UCK2: variants seen among roughly 807,000 people sequenced by gnomAD.
UCK2 encodes the protein uridine-cytidine kinase 2.
Under a neutral mutation model 30.8 loss-of-function variants are expected in UCK2, and 6 were observed. That is an observed-to-expected ratio of 0.19 (90% confidence interval 0.11 to 0.38). The LOEUF (loss-of-function observed/expected upper bound fraction) is 0.38, where lower values mean the gene tolerates loss of function less well. Ranked by LOEUF, UCK2 falls within the 10% of genes least tolerant of loss-of-function variation. The probability of loss-of-function intolerance (pLI) is 1.00; values close to 1 mark genes in which losing one functional copy is unlikely to be tolerated. For synonymous variants in UCK2, 125 were observed against 133.6 expected (o/e 0.94, Z 0.45); for missense variants, 210 against 339.8 (o/e 0.62, Z 3.00).
intron 1 of UCK2, among the ~76,000 whole-genome samples, chr1:165,828,939 G>C (rs1367160350): frequency 6.6e-6 from 1 of 152,164 alleles, no homozygotes; most frequent in African/African-American, 2.4e-5. Context: ...CTGGGTGCTG[G>C]GTGCTGGTTT....
At chr1:165,904,286 A>G (rs1484463106) in intron 5 of UCK2, 1 of 152,234 alleles carries the variant, frequency 6.6e-6, no homozygotes, top group Non-Finnish European at 1.5e-5. Context: ...CTTTTACAGC[A>G]ACCCATACTT....
chr1:165,899,543 G>T (rs1647385121), intron 4 of UCK2, among the ~76,000 whole-genome samples: 1 of 152,108 alleles, frequency 6.6e-6, no homozygotes, highest in Non-Finnish European at 1.5e-5. Context: ...TTCTTTCTTG[G>T]CTTTTGGCTA....
intron 1 of UCK2, among the ~76,000 whole-genome samples, chr1:165,852,652 T>A (rs1030263986): frequency 6.6e-6 from 1 of 152,226 alleles, no homozygotes; most frequent in African/African-American, 2.4e-5. Context: ...TTTAAAAGGC[T>A]TCCAGAGCAG....
rs757626919 is a variant in UCK2 at position 165,905,982 on chromosome 1, A to G, written c.646+13A>G. ...GCAGATAATCTGGGTGAGTCCCTGCAGAGTGTCATCCTGGAGTATAATGTC... is the reference window on the plus strand; with the variant it reads ...GCAGATAATCTGGGTGAGTCCCTGCGGAGTGTCATCCTGGAGTATAATGTC... On this transcript the variant is annotated intron_variant, in intron 6 of 6. Transcript: ENST00000367879. 65 of 1,612,436 alleles carry G rather than the reference A, an allele frequency of 4.0e-5. No individual in the cohort carries two copies. In the South Asian group the frequency reaches 6.9e-4, roughly 17 times the overall value.
rs113167843 is a variant in UCK2 at position 165,831,749 on chromosome 1, G to A, written c.99+3817G>A. On this transcript the variant is annotated intron_variant, in intron 1 of 6. Transcript: ENST00000367879. ...CCCCTTGGCCCCTAATATGGTCCCA[G>A]GCTATTATTTTTATTTTTTATTTTA... is the stretch of plus-strand genomic sequence containing the variant. Among the ~76,000 whole-genome samples, 177 of 152,210 alleles carry A rather than the reference G, an allele frequency of 1.2e-3. 1 individual carries two copies. The highest frequency in any genetic ancestry group is 4.2e-3 in the African/African-American group (176 of 41,536).
chr1:165,889,665 A>AAGGCGGAC (rs1453935423), intron 1 of UCK2, among the ~76,000 whole-genome samples: 2 of 150,584 alleles, frequency 1.3e-5, no homozygotes, highest in Non-Finnish European at 2.9e-5. Context: ...ACAGGCGTGT[A>AAGGCGGAC]AGGCGGACTC....
At chr1:165,863,625 A>G (rs1265396192) in intron 1 of UCK2, among the ~76,000 whole-genome samples, 1 of 152,194 alleles carries the variant, frequency 6.6e-6, no homozygotes, top group Non-Finnish European at 1.5e-5. Flanking sequence ...ATTCTTTTCA[A>G]ACCAAGGGCT....
intron 1 of UCK2, among the ~76,000 whole-genome samples, chr1:165,852,526 C>T (rs1402823176): frequency 2.0e-5 from 3 of 152,152 alleles, no homozygotes; most frequent in African/African-American, 4.8e-5. Flanking sequence ...TACCACCACA[C>T]GCCAGTCAGA....
intron 1 of UCK2, among the ~76,000 whole-genome samples, chr1:165,830,093 C>A (rs1201968255): frequency 6.6e-6 from 1 of 152,022 alleles, no homozygotes; most frequent in Non-Finnish European, 1.5e-5. Flanking sequence ...GTACCCTCCA[C>A]CTGTTGGGCT....
chr1:165,876,091 C>T (rs1176672215), intron 1 of UCK2, among the ~76,000 whole-genome samples: 3 of 152,212 alleles, frequency 2.0e-5, no homozygotes, highest in Non-Finnish European at 4.4e-5. Context: ...TAAATCATAA[C>T]ACCACAAGGA....
chr1:165,841,548 C>T lies in UCK2; in HGVS notation c.99+13616C>T, dbSNP rs185155236. Among the ~76,000 whole-genome samples, 13 of 152,254 alleles carry T rather than the reference C, an allele frequency of 8.5e-5. No homozygotes were observed. In the East Asian group the frequency reaches 2.5e-3, roughly 29 times the overall value. On this transcript the variant is annotated intron_variant, in intron 1 of 6. Transcript: ENST00000367879. ...TTTGAAGCTTCCACCCCTTCCTGCT[C>T]CTGAAAGAAAAGGTCCATGTCTTCG...
intron 1 of UCK2, among the ~76,000 whole-genome samples, chr1:165,887,773 C>CT (rs1437496965): frequency 1.3e-5 from 2 of 151,270 alleles, no homozygotes; most frequent in South Asian, 4.2e-4. Context: ...CTTTGATTTC[C>CT]CCCCCCACCC....
intron 1 of UCK2, among the ~76,000 whole-genome samples, chr1:165,876,675 C>CA (rs1228612723): frequency 6.6e-6 from 1 of 152,146 alleles, no homozygotes; most frequent in Non-Finnish European, 1.5e-5. Flanking sequence ...GCTATAGTAA[C>CA]AAATTACTAC....
intron 1 of UCK2, among the ~76,000 whole-genome samples, chr1:165,874,623 A>G (rs1220014804): frequency 6.6e-6 from 1 of 152,136 alleles, no homozygotes; most frequent in Non-Finnish European, 1.5e-5. Flanking sequence ...TGGAACTCCA[A>G]ACCAACACTC....
intron 1 of UCK2, among the ~76,000 whole-genome samples, chr1:165,844,844 G>A (rs530029371): frequency 2.0e-5 from 3 of 152,222 alleles, no homozygotes; most frequent in Admixed American, 2.0e-4. Context: ...GCCTCGAGAG[G>A]GTGTGGAAGC....
chr1:165,882,925 A>G (rs1442362989), intron 1 of UCK2, among the ~76,000 whole-genome samples: 1 of 152,104 alleles, frequency 6.6e-6, no homozygotes, highest in Non-Finnish European at 1.5e-5. Flanking sequence ...CCCGGGTTCA[A>G]GCGATCCTCC....
At chr1:165,833,349 C>T (rs1187734240) in intron 1 of UCK2, among the ~76,000 whole-genome samples, 1 of 152,112 alleles carries the variant, frequency 6.6e-6, no homozygotes, top group African/African-American at 2.4e-5. Flanking sequence ...CTTGGCATGG[C>T]AGGCTTTCCC....
At chr1:165,894,815 C>T (rs1174142102) in intron 3 of UCK2, among the ~76,000 whole-genome samples, 1 of 152,116 alleles carries the variant, frequency 6.6e-6, no homozygotes, top group Non-Finnish European at 1.5e-5. Flanking sequence ...CCCTCTTGAG[C>T]TGGCCGTTGA....
chr1:165,852,026 T>C (rs1654609875), intron 1 of UCK2, among the ~76,000 whole-genome samples: 1 of 152,224 alleles, frequency 6.6e-6, no homozygotes, highest in African/African-American at 2.4e-5. Context: ...CTATTGTAAA[T>C]AGTGCTGCAG....
Sources: allele counts gnomAD v4.1 joint callset (sites outside exome capture counted in the v4.1 genomes callset), GRCh38; gene constraint gnomAD v4.1.1; transcripts MANE v1.5; gene names NCBI Gene and HGNC (gene_info 2026-07-23, HGNC 2026-07-21).